The following EHMT1 variants were observed in gnomAD, a reference collection of about 807,000 sequenced individuals.
EHMT1 encodes histone-lysine N-methyltransferase EHMT1.
EHMT1 carries 15 observed loss-of-function variants against 147.2 expected under a neutral mutation model. The observed-to-expected ratio is 0.10, with a 90% CI of 0.07 to 0.16. EHMT1 has a LOEUF of 0.16. Ranked by LOEUF, EHMT1 falls within the 10% of genes least tolerant of loss-of-function variation. The pLI is 1.00. For synonymous variants in EHMT1, 795 were observed against 709.6 expected (o/e 1.12, Z -1.91); for missense variants, 1,587 against 1,772.4 (o/e 0.90, Z 1.88).
chr9:137,736,613 G>T (rs116331935), intron 4 of EHMT1, among the ~76,000 whole-genome samples: 348 of 152,348 alleles, frequency 2.3e-3, no homozygotes, highest in African/African-American at 8.1e-3. Flanking sequence ...GATTTGAGCC[G>T]GGCGCGATGG....
chr9:137,731,706 G>T lies in EHMT1; in HGVS notation c.823+3177G>T, dbSNP rs535986312. The stretch of plus-strand genomic sequence containing the variant: ...CCTGCTGGGCTCATTCTGCCCACTC[G>T]GCCCAGCAGGCTGTACTTGGCTCAT... On this transcript the variant is annotated intron_variant, in intron 4 of 26. Transcript: ENST00000460843. The surrounding 1 kb of genome is among the most constrained non-coding windows in gnomAD (Gnocchi z 4.3). Among the ~76,000 whole-genome samples the T allele has an allele frequency of 1.6e-4, 24 of 152,202 alleles. No individual in the cohort carries two copies. The highest frequency in any genetic ancestry group is 5.3e-4 in the African/African-American group (22 of 41,532).
Position 137,776,810 on chromosome 9 carries a change from G to A in EHMT1, c.1984G>A (p.Ala662Thr), listed in dbSNP as rs1055905017. 6.2e-7 allele frequency: 1 copy of A among 1,613,858 alleles called. No homozygotes were observed. The highest frequency in any genetic ancestry group is 1.3e-5 in the African/African-American group (1 of 74,908). ...AGTCCCCGGGCAGGAGAAGGGCTCG[G>A]CCCTGGAGGGCAGGGCCGACACCAC... ...TPVPGQEKGS[A>T]LEGRADTTTG... The change falls in exon 12 of 27, where the codon GCC (alanine) becomes ACC (threonine). Residue 662 changes from alanine to threonine, a missense_variant. Around this residue, in one of 7 missense-constraint regions of EHMT1, gnomAD observed 77 missense variants for 79.3 expected, o/e 0.97. Coordinates refer to ENST00000460843, the MANE Select transcript of EHMT1 (RefSeq NM_024757.5). This position sits in a 1 kb window ranked among gnomAD's most constrained non-coding sequence, Gnocchi z 4.4.
intron 1 of EHMT1, among the ~76,000 whole-genome samples, chr9:137,655,694 G>A (rs1938368647): frequency 1.3e-5 from 2 of 152,294 alleles, no homozygotes; most frequent in Admixed American, 6.5e-5. Context: ...GCCTCTGCCA[G>A]ATCAGCAGTG....
At chr9:137,645,092 C>T (rs1046479848) in intron 1 of EHMT1, among the ~76,000 whole-genome samples, 5 of 152,230 alleles carry the variant, frequency 3.3e-5, no homozygotes, top group South Asian at 4.2e-4. Flanking sequence ...AGGCTGCTCT[C>T]GAGCTCCTGG....
At chr9:137,793,882 G>A (rs904854314) in intron 16 of EHMT1, among the ~76,000 whole-genome samples, 6 of 152,178 alleles carry the variant, frequency 3.9e-5, no homozygotes, top group Middle Eastern at 3.2e-3. Flanking sequence ...CCTGGGGCTG[G>A]GGGATGGTAT....
rs1254594275 is a variant in EHMT1, at chr9:137,732,601, A to G, written c.823+4072A>G. Among the ~76,000 whole-genome samples the G allele has an allele frequency of 1.3e-5, 2 of 152,162 alleles. No individual in the cohort carries two copies. Among genetic ancestry groups the G allele is most frequent in the Non-Finnish European group, 2.9e-5 (2 of 68,016 alleles). On this transcript the variant is annotated intron_variant, in intron 4 of 26. Coordinates refer to ENST00000460843, the MANE Select transcript of EHMT1 (RefSeq NM_024757.5). This position sits in a 1 kb window ranked among gnomAD's most constrained non-coding sequence, Gnocchi z 4.6. ...GATTGGTCCATGGGTAGGTCTGGAA[A>G]AAACACCATTTGATTGGCTAAAAGG... is the stretch of plus-strand genomic sequence containing the variant.
In EHMT1 at chr9:137,787,845, G is replaced by T. The variant is rs768188772; in HGVS notation, c.2383-3003G>T. ...CCCCCAGTAGGCAGAGCTGGTTGAC[G>T]GTGGACATTGGGGATAGGAGGTGGG... is the stretch of plus-strand genomic sequence containing the variant. On this transcript the variant is annotated intron_variant, in intron 15 of 26. Coordinates refer to ENST00000460843, the MANE Select transcript of EHMT1 (RefSeq NM_024757.5). This position sits in a 1 kb window ranked among gnomAD's most constrained non-coding sequence, Gnocchi z 4.2. 6 of 1,044,584 alleles carry T rather than the reference G, an allele frequency of 5.7e-6. No homozygotes were observed. Among genetic ancestry groups the T allele is most frequent in the East Asian group, 2.4e-5 (1 of 42,224 alleles). 64.7% of individuals were successfully genotyped at this position (1,044,584 alleles called of 1,614,324 possible). A position where few individuals can be genotyped will look rare whatever the true frequency, so the allele number is the denominator to read the frequency against.
chr9:137,662,804 A>T lies in EHMT1; in HGVS notation c.21+43755A>T, dbSNP rs192676268. Among the ~76,000 whole-genome samples the T allele has an allele frequency of 2.3e-3, 195 of 86,336 alleles. 3 individuals are homozygous for T. Among genetic ancestry groups the T allele is most frequent in the African/African-American group, 7.5e-3 (126 of 16,736 alleles). The allele number at this position is 86,336 out of a possible 152,430, so 56.6% of individuals were successfully genotyped here. A position where few individuals can be genotyped will look rare whatever the true frequency, so the allele number is the denominator to read the frequency against. ...TATTTATTTATTTATTTATTTATTT[A>T]TTTATTTTTGACAGAGTCTTGCTCT... On this transcript the variant is annotated intron_variant, in intron 1 of 26. Transcript: ENST00000460843.
At chr9:137,635,550 G>C (rs965422419) in intron 1 of EHMT1, among the ~76,000 whole-genome samples, 2 of 151,588 alleles carry the variant, frequency 1.3e-5, no homozygotes, top group Non-Finnish European at 2.9e-5. Flanking sequence ...GCTGGGCGCG[G>C]TGGCTCACGC....
At chr9:137,643,587 A>T (rs1412454022) in intron 1 of EHMT1, among the ~76,000 whole-genome samples, 1 of 151,744 alleles carries the variant, frequency 6.6e-6, no homozygotes, top group Non-Finnish European at 1.5e-5. Flanking sequence ...TGACCTCGTG[A>T]TCTGCCCACC....
chr9:137,770,367 A>G (rs980257700), intron 10 of EHMT1, among the ~76,000 whole-genome samples: 3 of 152,220 alleles, frequency 2.0e-5, no homozygotes, highest in African/African-American at 7.2e-5. Flanking sequence ...GTTTGTTTCT[A>G]GCGTTTTACG....
intron 1 of EHMT1, among the ~76,000 whole-genome samples, chr9:137,629,663 G>A (rs947968958): frequency 5.3e-5 from 8 of 152,162 alleles, no homozygotes; most frequent in African/African-American, 9.7e-5. Flanking sequence ...AAAGTGCTGA[G>A]GTTACAGGCA....
At chr9:137,832,961 C>G (rs549074646) in intron 25 of EHMT1, 6 of 152,426 alleles carry the variant, frequency 3.9e-5, no homozygotes, top group African/African-American at 1.4e-4. Context: ...ACTCTGAACT[C>G]TGTTTCTTTG....
chr9:137,643,403 C>G (rs1261190738), intron 1 of EHMT1, among the ~76,000 whole-genome samples: 1 of 144,934 alleles, frequency 6.9e-6, no homozygotes, highest in Non-Finnish European at 1.5e-5. Flanking sequence ...TGCAGTGGTG[C>G]CATCTCGGCT....
chr9:137,716,583 G>T, intron 2 of EHMT1, 43 bp from the exon 3 acceptor site: 2 of 1,527,980 alleles, frequency 1.3e-6, no homozygotes, highest in South Asian at 2.6e-5. Context: ...GTGCCATGGA[G>T]AGCGTGGCCT....
intron 15 of EHMT1, chr9:137,788,007 G>A (rs1373756977): frequency 6.9e-7 from 1 of 1,451,194 alleles, no homozygotes; most frequent in Non-Finnish European, 9.6e-7. Flanking sequence ...TAAGTGGAGA[G>A]GCCAGGCCCT....
chr9:137,754,362 G>A, intron 8 of EHMT1, 71 bp downstream of exon 8: 1 of 1,598,056 alleles, frequency 6.3e-7, no homozygotes, highest in Admixed American at 1.7e-5. Context: ...GGCCCACCTG[G>A]GGTTGGGGTG....
At chr9:137,632,683 C>T (rs141317281) in intron 1 of EHMT1, among the ~76,000 whole-genome samples, 3 of 152,178 alleles carry the variant, frequency 2.0e-5, no homozygotes, top group Non-Finnish European at 2.9e-5. Context: ...GGATTACAGG[C>T]GTGAGCCACT....
chr9:137,626,988 C>G (rs1038802747), intron 1 of EHMT1, among the ~76,000 whole-genome samples: 5 of 151,650 alleles, frequency 3.3e-5, no homozygotes, highest in African/African-American at 1.2e-4. Context: ...GACGGAGTCT[C>G]GCTTTGTTGC....
Sources: allele counts gnomAD v4.1 joint callset (sites outside exome capture counted in the v4.1 genomes callset), GRCh38; gene constraint gnomAD v4.1.1; regional missense constraint gnomAD v4.1.1; non-coding constraint Gnocchi (gnomAD v3.1); transcripts MANE v1.5; gene names NCBI Gene and HGNC (gene_info 2026-07-23, HGNC 2026-07-21).